The following LYST variants were observed in gnomAD, a reference collection of about 807,000 sequenced individuals.
LYST encodes lysosomal trafficking regulator.
LYST carries 192 observed loss-of-function variants against 413.6 expected under a neutral mutation model. That is an observed-to-expected ratio of 0.46 (90% CI 0.41 to 0.52). The LOEUF is 0.52. LYST is among the 20% of genes least tolerant of loss of function. LYST has a pLI of 0.00. For missense variants in LYST, 3,815 were observed against 4,499.9 expected (o/e 0.85, Z 4.35); for synonymous variants, 1,525 against 1,567.3 (o/e 0.97, Z 0.64).
intron 7 of LYST, among the ~76,000 whole-genome samples, chr1:235,803,809 C>T (rs1373953779): frequency 2.0e-5 from 3 of 151,856 alleles, no homozygotes; most frequent in African/African-American, 7.3e-5. Flanking sequence ...TAAGTTATGG[C>T]AAATAGTAAC....
intron 50 of LYST, among the ~76,000 whole-genome samples, chr1:235,666,954 T>TA (rs887479372): frequency 1.3e-5 from 2 of 152,090 alleles, no homozygotes; most frequent in Admixed American, 6.5e-5. Flanking sequence ...TCCTTCAAAA[T>TA]AAAAAATCTA....
chr1:235,813,920 C>T (rs1196121461), intron 3 of LYST, among the ~76,000 whole-genome samples: 4 of 152,108 alleles, frequency 2.6e-5, no homozygotes, highest in Admixed American at 2.0e-4. Context: ...ATCAGATTTG[C>T]TGAACAGAAT....
chr1:235,728,584 G>T (rs1356223509), intron 37 of LYST, among the ~76,000 whole-genome samples: 1 of 152,124 alleles, frequency 6.6e-6, no homozygotes, highest in Non-Finnish European at 1.5e-5. Context: ...CACTCAATAG[G>T]GTAGAGTAGG....
chr1:235,737,916 A>AAGCGTTGG, intron 31 of LYST: 16 of 1,163,402 alleles, frequency 1.4e-5, no homozygotes, highest in East Asian at 1.2e-4. Context: ...GCTGCCGACG[A>AAGCGTTGG]GTCTGGATCT....
chr1:235,809,079 A>T lies in LYST; in HGVS notation c.1739T>A (p.Ile580Asn). ...CVQILSGVHN[I>N]GICCCMDPKS... Reference sequence around the variant, plus strand: ...GGGATCCATACAACAGCATATTCCAATGTTATGAACACCCGATAGGATCTG... The same window carrying T: ...GGGATCCATACAACAGCATATTCCATTGTTATGAACACCCGATAGGATCTG... The change falls in exon 5 of 53, where the codon ATT (isoleucine) becomes AAT (asparagine). Residue 580 changes from isoleucine to asparagine, a missense_variant. This residue lies in a region of LYST where 1,648 missense variants were observed against 1,810.3 expected (regional missense o/e 0.91). Coordinates refer to ENST00000389793, the MANE Select transcript of LYST (RefSeq NM_000081.4). The surrounding 1 kb of genome is among the most constrained non-coding windows in gnomAD (Gnocchi z 4.0). 6.2e-7 allele frequency: 1 copy of T among 1,614,168 alleles called. No individual in the cohort carries two copies. The highest frequency in any genetic ancestry group is 8.5e-7 in the Non-Finnish European group (1 of 1,180,002).
intron 46 of LYST, among the ~76,000 whole-genome samples, chr1:235,696,123 G>A (rs544663093): frequency 1.2e-3 from 177 of 152,120 alleles, no homozygotes; most frequent in African/African-American, 4.1e-3. Flanking sequence ...TAGATAAAAC[G>A]GTATGCATCC....
rs1660198006 is a variant in LYST at position 235,686,071 on chromosome 1, A to G, written c.10800+878T>C. ...CAACTGCACCACAGGCAGTTGATTCAAGAAACAAAAACAGGCCGGGCGTGA... is the reference window on the plus strand; with the variant it reads ...CAACTGCACCACAGGCAGTTGATTCGAGAAACAAAAACAGGCCGGGCGTGA... On this transcript the variant is annotated intron_variant, in intron 48 of 52. Coordinates refer to ENST00000389793, the MANE Select transcript of LYST (RefSeq NM_000081.4). This position sits in a 1 kb window ranked among gnomAD's most constrained non-coding sequence, Gnocchi z 4.0. Among the ~76,000 whole-genome samples the G allele has an allele frequency of 6.6e-6, 1 of 152,112 alleles. No individual in the cohort carries two copies. The highest frequency in any genetic ancestry group is 2.4e-5 in the African/African-American group (1 of 41,430).
chr1:235,833,152 C>T (rs1676180963), intron 2 of LYST, among the ~76,000 whole-genome samples: 2 of 152,002 alleles, frequency 1.3e-5, no homozygotes, highest in South Asian at 4.1e-4. Context: ...GACACTTTTG[C>T]TTTGTATATT....
intron 48 of LYST, among the ~76,000 whole-genome samples, chr1:235,683,410 C>A (rs182108237): frequency 9.8e-4 from 150 of 152,332 alleles, no homozygotes; most frequent in African/African-American, 3.4e-3. Context: ...GACAGAATAA[C>A]CCGACAGCAA....
In LYST at chr1:235,788,805, A is replaced by C. The variant is rs766917496; in HGVS notation, c.4584T>G (p.Gly1528=). The part of the protein sequence containing the change: ...RPEGAEYINP[G]ERLIEEGCIH... The stretch of plus-strand genomic sequence containing the variant: ...TACATCCTTCTTCTATGAGTCTTTC[A>C]CCAGGATTTATGTACTCTGCACCTT... The change falls in exon 13 of 53, where the codon GGT becomes GGG. Residue 1528 remains glycine (G), a synonymous_variant. Coordinates refer to ENST00000389793, the MANE Select transcript of LYST (RefSeq NM_000081.4). 1.2e-5 allele frequency: 19 copies of C among 1,613,604 alleles called. No homozygotes were observed. Among genetic ancestry groups the C allele is most frequent in the Non-Finnish European group, 1.5e-5 (18 of 1,179,690 alleles).
intron 1 of LYST, among the ~76,000 whole-genome samples, chr1:235,844,685 C>A (rs1356316291): frequency 1.3e-5 from 2 of 151,686 alleles, no homozygotes; most frequent in African/African-American, 2.4e-5. Context: ...GATTTTTAAA[C>A]CTCTCTCTAC....
chr1:235,848,887 C>T (rs1361999196), intron 1 of LYST, among the ~76,000 whole-genome samples: 1 of 151,648 alleles, frequency 6.6e-6, no homozygotes, highest in Non-Finnish European at 1.5e-5. Flanking sequence ...ATAATTACCA[C>T]TAAAAAAAAA....
chr1:235,826,481 G>A (rs1288292239), intron 3 of LYST, among the ~76,000 whole-genome samples: 1 of 152,130 alleles, frequency 6.6e-6, no homozygotes, highest in Non-Finnish European at 1.5e-5. Flanking sequence ...GCAACAACAT[G>A]GATGAATTTC....
At chr1:235,779,782 TCAA>T (rs776444896) in intron 16 of LYST, among the ~76,000 whole-genome samples, 52 of 152,034 alleles carry the variant, frequency 3.4e-4, no homozygotes, top group African/African-American at 9.4e-4. Flanking sequence ...TCCCCGCAAC[TCAA>T]CAACAACAAC....
chr1:235,665,870 T>C (rs1658407979), intron 50 of LYST, among the ~76,000 whole-genome samples: 2 of 152,064 alleles, frequency 1.3e-5, no homozygotes, highest in South Asian at 2.1e-4. Flanking sequence ...ACAGGATGGT[T>C]TGGGGGCTGA....
chr1:235,747,079 C>A, intron 28 of LYST: 1 of 274,298 alleles, frequency 3.6e-6, no homozygotes, highest in African/African-American at 2.3e-5. Flanking sequence ...ACATATGCAT[C>A]ATTTGGAATT....
intron 1 of LYST, among the ~76,000 whole-genome samples, chr1:235,877,432 G>A (rs896169454): frequency 1.3e-5 from 2 of 152,090 alleles, no homozygotes; most frequent in Non-Finnish European, 2.9e-5. Context: ...TTGGAGACGG[G>A]GTTTTGCTCT....
intron 10 of LYST, among the ~76,000 whole-genome samples, chr1:235,795,811 A>G (rs1671495797): frequency 6.6e-6 from 1 of 152,178 alleles, no homozygotes; most frequent in Non-Finnish European, 1.5e-5. Flanking sequence ...AAATCAGTAA[A>G]AATAATATTT....
chr1:235,833,074 C>T (rs1473527003), intron 2 of LYST, among the ~76,000 whole-genome samples: 1 of 151,768 alleles, frequency 6.6e-6, no homozygotes, highest in African/African-American at 2.4e-5. Flanking sequence ...AATATTCATA[C>T]AATTTCCATT....
Sources: allele counts gnomAD v4.1 joint callset (sites outside exome capture counted in the v4.1 genomes callset), GRCh38; gene constraint gnomAD v4.1.1; regional missense constraint gnomAD v4.1.1; non-coding constraint Gnocchi (gnomAD v3.1); transcripts MANE v1.5; gene names NCBI Gene and HGNC (gene_info 2026-07-23, HGNC 2026-07-21).